Variants in COL14A1 observed in about 807,000 individuals in gnomAD.
The protein encoded by COL14A1 is collagen type XIV alpha 1 chain.
A neutral mutation model predicts 230.3 loss-of-function variants in COL14A1; 136 were observed. The ratio of observed to expected loss-of-function variants is 0.59; its 90% confidence interval spans 0.51 to 0.68. The LOEUF is 0.68. Ranked by LOEUF, COL14A1 falls within the 30% of genes least tolerant of loss-of-function variation. COL14A1 has a pLI of 0.00. For missense variants in COL14A1, 1,976 were observed against 2,215.8 expected, an observed-to-expected ratio of 0.89 and a Z score of 2.17; for synonymous variants, 792 against 784.1, an observed-to-expected ratio of 1.01 and a Z score of -0.17.
At chr8:120,313,395 C>T (rs892219066) in intron 37 of COL14A1, among the ~76,000 whole-genome samples, 1 of 152,048 alleles carries the variant, frequency 6.6e-6, no homozygotes, top group Non-Finnish European at 1.5e-5. Context: ...TAAAATAATA[C>T]TAAGCCGAGG....
chr8:120,148,972 G>A (rs1022417661), intron 2 of COL14A1, among the ~76,000 whole-genome samples: 33 of 152,112 alleles, frequency 2.2e-4, no homozygotes, highest in Admixed American at 1.2e-3. Context: ...TATTGTCTGT[G>A]GCTACTTTCA....
intron 34 of COL14A1, among the ~76,000 whole-genome samples, chr8:120,290,446 A>G (rs964212125): frequency 6.6e-6 from 1 of 152,200 alleles, no homozygotes; most frequent in Non-Finnish European, 1.5e-5. Context: ...CTGTGTATTC[A>G]CAGCTAATTA....
At chr8:120,126,690 C>G (rs1814351281) in intron 1 of COL14A1, among the ~76,000 whole-genome samples, 2 of 152,150 alleles carry the variant, frequency 1.3e-5, no homozygotes. Flanking sequence ...CTCTTGAAAC[C>G]CAGCAAACAG....
chr8:120,247,853 G>A (rs766764290), intron 21 of COL14A1, 118 bp downstream of exon 21: 9 of 1,236,852 alleles, frequency 7.3e-6, no homozygotes, highest in African/African-American at 3.0e-5. Flanking sequence ...AAGAAGTAGG[G>A]AGAACCTCTT....
intron 40 of COL14A1, among the ~76,000 whole-genome samples, chr8:120,329,302 A>G: frequency 6.6e-6 from 1 of 152,026 alleles, no homozygotes; most frequent in East Asian, 1.9e-4. Flanking sequence ...GGCTACATTT[A>G]AACTCCATTT....
intron 7 of COL14A1, among the ~76,000 whole-genome samples, chr8:120,198,663 A>G (rs982085350): frequency 6.6e-6 from 1 of 152,196 alleles, no homozygotes; most frequent in African/African-American, 2.4e-5. Context: ...AAATCCAAAA[A>G]TACCTGAAAT....
chr8:120,184,353 C>A (rs1024169936), intron 5 of COL14A1, among the ~76,000 whole-genome samples: 15 of 151,702 alleles, frequency 9.9e-5, no homozygotes, highest in Non-Finnish European at 1.8e-4. Flanking sequence ...CTTCCAGATT[C>A]AAGAGATCCT....
At chr8:120,354,200 A>C (rs1296307735) in intron 45 of COL14A1, among the ~76,000 whole-genome samples, 4 of 110,194 alleles carry the variant, frequency 3.6e-5, no homozygotes, top group Admixed American at 2.9e-4. Context: ...ATGAGATCAC[A>C]TGGACACAGG....
chr8:120,299,963 A>G (rs141182470), intron 35 of COL14A1, among the ~76,000 whole-genome samples: 1 of 152,228 alleles, frequency 6.6e-6, no homozygotes, highest in African/African-American at 2.4e-5. Flanking sequence ...GAAGTTCTAT[A>G]GTATTTTATC....
chr8:120,294,607 A>G (rs1193633851), intron 34 of COL14A1, among the ~76,000 whole-genome samples: 1 of 151,428 alleles, frequency 6.6e-6, no homozygotes, highest in Non-Finnish European at 1.5e-5. Flanking sequence ...TTGACATACC[A>G]CCTTGTACTG....
chr8:120,323,364 G>A (rs977079946), intron 40 of COL14A1, among the ~76,000 whole-genome samples: 1 of 151,974 alleles, frequency 6.6e-6, no homozygotes, highest in Admixed American at 6.6e-5. Flanking sequence ...CATTCTGAAG[G>A]TTGTCTCTTT....
intron 5 of COL14A1, among the ~76,000 whole-genome samples, chr8:120,190,254 C>G (rs1388511731): frequency 2.0e-5 from 3 of 152,122 alleles, no homozygotes; most frequent in Non-Finnish European, 4.4e-5. Context: ...AGCATTTTTT[C>G]ATGTGGTTTT....
rs182956626 is a variant in COL14A1 at position 120,166,162 on chromosome 8, G to T, written c.350-1999G>T. ...AAGAGTAACTCCCGAGTAGAGACTG[G>T]CAGAAACTCCTCTGGAAAGGTGACA... is the stretch of plus-strand genomic sequence containing the variant. On this transcript the variant is annotated intron_variant, in intron 4 of 47. Transcript: ENST00000297848. Among the ~76,000 whole-genome samples the T allele has an allele frequency of 2.8e-3, 425 of 152,238 alleles. 4 individuals carry two copies. Among genetic ancestry groups the T allele is most frequent in the African/African-American group, 9.8e-3 (407 of 41,534 alleles).
At chr8:120,151,468 G>A (rs960120167) in intron 2 of COL14A1, among the ~76,000 whole-genome samples, 2 of 151,588 alleles carry the variant, frequency 1.3e-5, no homozygotes, top group South Asian at 2.1e-4. Context: ...GTGAAACCCC[G>A]TCTCTACTAA....
rs1213289253 is a variant in COL14A1 at position 120,206,988 on chromosome 8, C to A, written c.1085C>A (p.Ser362Tyr). The A allele has an allele frequency of 6.2e-7, 1 of 1,613,772 alleles. No individual in the cohort carries two copies. Residue 362 changes from serine to tyrosine, a missense_variant, in exon 10 of 48, where the codon TCT becomes TAT. Physicochemically the swap from Ser to Tyr is moderately radical, Grantham distance 144. Around this residue, in one of 3 missense-constraint regions of COL14A1, gnomAD observed 1,791 missense variants for 2,019.5 expected, o/e 0.89. Transcript: ENST00000297848. ...ITGPPTELIT[S>Y]EVTARSFMVN... ...GGGCCGCCTACGGAGTTGATTACTT[C>A]TGAAGTCACTGCCAGAAGCTTTATG... is the stretch of plus-strand genomic sequence containing the variant.
upstream of COL14A1, chr8:120,125,018 G>A (rs1338973319): frequency 1.3e-5 from 2 of 152,488 alleles, no homozygotes; most frequent in Non-Finnish European, 1.5e-5. Flanking sequence ...GGCGTTATGG[G>A]CTTAGGCCTG....
intron 23 of COL14A1, among the ~76,000 whole-genome samples, chr8:120,262,142 G>A (rs1173170828): frequency 6.6e-6 from 1 of 152,030 alleles, no homozygotes; most frequent in African/African-American, 2.4e-5. Context: ...ATTGGGCTGT[G>A]TTCAGAAAAT....
intron 13 of COL14A1, among the ~76,000 whole-genome samples, chr8:120,215,111 T>C (rs1261340203): frequency 1.3e-5 from 2 of 152,210 alleles, no homozygotes; most frequent in African/African-American, 4.8e-5. Context: ...GGCTCACGCC[T>C]GTAGTGCCAG....
chr8:120,322,918 A>G (rs1586863083), intron 40 of COL14A1, among the ~76,000 whole-genome samples: 1 of 152,230 alleles, frequency 6.6e-6, no homozygotes, highest in African/African-American at 2.4e-5. Context: ...GCGTATGCCC[A>G]GTAATGGGAT....
Sources: gnomAD v4.1 joint callset for allele counts (sites outside exome capture counted in the v4.1 genomes callset) on GRCh38, gnomAD v4.1.1 for gene constraint, gnomAD v4.1.1 regional missense constraint, MANE v1.5 for transcripts, NCBI Gene and HGNC (gene_info 2026-07-23, HGNC 2026-07-21) for gene names.